The following DKK2 variants were observed in gnomAD, a reference collection of about 807,000 sequenced individuals.
The protein encoded by DKK2 is dickkopf Wnt signaling pathway inhibitor 2, also known as dickkopf-related protein 2.
Under a neutral mutation model 28.1 loss-of-function variants are expected in DKK2, and 11 were observed. The ratio of observed to expected loss-of-function variants is 0.39; its 90% CI spans 0.25 to 0.65. DKK2 has a LOEUF of 0.65. Among genes scored for constraint, DKK2 ranks in the 30% least tolerant of loss-of-function variants. The pLI is 0.47. For missense variants in DKK2, 326 were observed against 335.5 expected (o/e 0.97, Z 0.22); for synonymous variants, 135 against 126.5 (o/e 1.07, Z -0.45).
chr4:107,025,574 A>AAGAAGCCTGCATTCTT (rs1464330833), intron 1 of DKK2, among the ~76,000 whole-genome samples: 1 of 152,150 alleles, frequency 6.6e-6, no homozygotes, highest in African/African-American at 2.4e-5. Flanking sequence ...GAAAAAGGAC[A>AAGAAGCCTGCATTCTT]AGCAGCCTGC....
At chr4:106,935,759 C>T (rs918591280) in intron 1 of DKK2, among the ~76,000 whole-genome samples, 13 of 152,180 alleles carry the variant, frequency 8.5e-5, no homozygotes, top group Non-Finnish European at 1.9e-4. Context: ...CAGCACGCAG[C>T]TGGAGATCTG....
chr4:106,960,114 TTA>T (rs3082967), intron 1 of DKK2, among the ~76,000 whole-genome samples: 7,851 of 146,350 alleles, frequency 0.054, 254 homozygotes, highest in Non-Finnish European at 0.075. Flanking sequence ...AGAAAAAATG[TTA>T]TATATATATA....
chr4:106,940,509 T>G (rs1724678162), intron 1 of DKK2, among the ~76,000 whole-genome samples: 1 of 150,670 alleles, frequency 6.6e-6, no homozygotes, highest in Non-Finnish European at 1.5e-5. Context: ...ACACTGTTAG[T>G]GGGACCGTAA....
At chr4:106,950,397 C>A (rs1336483367) in intron 1 of DKK2, among the ~76,000 whole-genome samples, 2 of 152,130 alleles carry the variant, frequency 1.3e-5, no homozygotes, top group Non-Finnish European at 2.9e-5. Flanking sequence ...GATATCCACC[C>A]TGCCCCTCTA....
chr4:106,974,934 G>T (rs1282925522), intron 1 of DKK2, among the ~76,000 whole-genome samples: 1 of 152,082 alleles, frequency 6.6e-6, no homozygotes, highest in East Asian at 1.9e-4. Flanking sequence ...CTAGTTTATT[G>T]ACAGCTTTTA....
intron 1 of DKK2, among the ~76,000 whole-genome samples, chr4:106,955,866 G>A (rs1177240591): frequency 2.0e-5 from 3 of 151,970 alleles, no homozygotes; most frequent in Non-Finnish European, 4.4e-5. Flanking sequence ...GTCCTCTCAC[G>A]CCCTCCTCCT....
chr4:106,983,199 G>A (rs1177429858), intron 1 of DKK2, among the ~76,000 whole-genome samples: 2 of 151,604 alleles, frequency 1.3e-5, no homozygotes, highest in Non-Finnish European at 1.5e-5. Flanking sequence ...AATACTGGGT[G>A]AATCAATAAA....
intron 1 of DKK2, among the ~76,000 whole-genome samples, chr4:106,962,112 T>A (rs889931649): frequency 3.9e-5 from 6 of 152,208 alleles, no homozygotes; most frequent in African/African-American, 1.4e-4. Context: ...TAAGTGTATG[T>A]CCTTCAATTG....
At chr4:106,982,312 G>A (rs1723038324) in intron 1 of DKK2, among the ~76,000 whole-genome samples, 1 of 152,090 alleles carries the variant, frequency 6.6e-6, no homozygotes, top group South Asian at 2.1e-4. Context: ...AGAGAGAGGG[G>A]GAAGAAAGAA....
chr4:106,985,755 GC>G (rs1723107231), intron 1 of DKK2, among the ~76,000 whole-genome samples: 1 of 150,524 alleles, frequency 6.6e-6, no homozygotes, highest in Non-Finnish European at 1.5e-5. Context: ...GTTGCAGTGA[GC>G]TGAGATCACA....
chr4:106,990,594 A>C (rs907679836), intron 1 of DKK2, among the ~76,000 whole-genome samples: 2 of 152,206 alleles, frequency 1.3e-5, no homozygotes, highest in African/African-American at 4.8e-5. Context: ...CATAGTCTAA[A>C]TTCTTTCACC....
chr4:106,958,927 C>G (rs1380519159), intron 1 of DKK2, among the ~76,000 whole-genome samples: 4 of 151,676 alleles, frequency 2.6e-5, no homozygotes, highest in African/African-American at 9.7e-5. Flanking sequence ...TTTTTGATGT[C>G]CAGTTCAACC....
intron 1 of DKK2, among the ~76,000 whole-genome samples, chr4:106,999,320 T>A (rs748264231): frequency 3.0e-4 from 45 of 152,348 alleles, no homozygotes; most frequent in Non-Finnish European, 5.1e-4. Context: ...ATATGTACAT[T>A]ATGTGCATAT....
Position 106,922,810 on chromosome 4 carries a change from C to G in DKK2, c.*1144G>C, listed in dbSNP as rs1724366502. 1 of 152,120 alleles carries G rather than the reference C, an allele frequency of 6.6e-6. No individual in the cohort carries two copies. The highest frequency in any genetic ancestry group is 6.6e-5 in the Admixed American group (1 of 15,252). The allele number at this position is 152,120 out of a possible 1,614,324, so 9.4% of individuals were successfully genotyped here. On this transcript the variant is annotated 3_prime_UTR_variant, in exon 4 of 4. Coordinates refer to ENST00000285311, the MANE Select transcript of DKK2 (RefSeq NM_014421.3). Reference sequence around the variant, plus strand: ...AGATATTCATTTAGACTGTGCATCCCCTGGTTTCAAAGATGAACAGCCAAC... The same window carrying G: ...AGATATTCATTTAGACTGTGCATCCGCTGGTTTCAAAGATGAACAGCCAAC...
chr4:106,995,953 T>G (rs1723266721), intron 1 of DKK2, among the ~76,000 whole-genome samples: 1 of 152,160 alleles, frequency 6.6e-6, no homozygotes, highest in African/African-American at 2.4e-5. Context: ...CCATGGGCAC[T>G]CCAAAAGAAA....
chr4:106,939,627 C>G (rs934957141), intron 1 of DKK2, among the ~76,000 whole-genome samples: 1 of 152,100 alleles, frequency 6.6e-6, no homozygotes, highest in African/African-American at 2.4e-5. Flanking sequence ...TCGTATGGAA[C>G]CAAAAAAGAG....
At chr4:107,003,129 G>A (rs1480332706) in intron 1 of DKK2, among the ~76,000 whole-genome samples, 1 of 152,260 alleles carries the variant, frequency 6.6e-6, no homozygotes, top group Non-Finnish European at 1.5e-5. Context: ...AATGTTCCTT[G>A]CCTCTCTCTT....
intron 1 of DKK2, among the ~76,000 whole-genome samples, chr4:106,958,780 T>C (rs1176148174): frequency 7.0e-6 from 1 of 143,324 alleles, no homozygotes; most frequent in African/African-American, 2.6e-5. Context: ...GAGGTTGCAG[T>C]GAGCCAAGAT....
chr4:106,981,246 A>T (rs1183796697), intron 1 of DKK2, among the ~76,000 whole-genome samples: 2 of 152,164 alleles, frequency 1.3e-5, no homozygotes, highest in African/African-American at 4.8e-5. Flanking sequence ...ATTAATGATA[A>T]AAATATTATA....
Sources: allele counts gnomAD v4.1 joint callset (sites outside exome capture counted in the v4.1 genomes callset), GRCh38; gene constraint gnomAD v4.1.1; transcripts MANE v1.5; gene names NCBI Gene and HGNC (gene_info 2026-07-23, HGNC 2026-07-21).